Variants in KCNB2 observed in about 807,000 individuals in gnomAD.
KCNB2 encodes the protein delayed rectifier potassium channel protein.
KCNB2 carries 15 observed loss-of-function variants against 61.5 expected under a neutral mutation model. The observed-to-expected ratio is 0.24, with a 90% CI of 0.16 to 0.38. KCNB2 has a LOEUF of 0.38. Among genes scored for constraint, KCNB2 ranks in the 10% least tolerant of loss-of-function variants. The pLI is 1.00. For synonymous variants in KCNB2, 457 were observed against 446.0 expected (o/e 1.02, Z -0.31); for missense variants, 828 against 1,125.2 (o/e 0.74, Z 3.78).
At chr8:72,703,015 A>G (rs1288309268) in intron 2 of KCNB2, among the ~76,000 whole-genome samples, 4 of 152,218 alleles carry the variant, frequency 2.6e-5, no homozygotes, top group Admixed American at 1.3e-4. Flanking sequence ...GCCCATTTCT[A>G]TTAAGAAAGC....
At chr8:72,677,525 A>T (rs752971923) in intron 2 of KCNB2, among the ~76,000 whole-genome samples, 1 of 151,962 alleles carries the variant, frequency 6.6e-6, no homozygotes. Flanking sequence ...CCTTCTCTCT[A>T]CTTTCTTTCC....
At chr8:72,601,441 AG>A (rs1366133293) in intron 2 of KCNB2, among the ~76,000 whole-genome samples, 2 of 152,208 alleles carry the variant, frequency 1.3e-5, no homozygotes, top group African/African-American at 4.8e-5. Context: ...AGTTTAGAAA[AG>A]GAGGCAAAAT....
intron 2 of KCNB2, among the ~76,000 whole-genome samples, chr8:72,597,604 A>T (rs1197254427): frequency 6.6e-6 from 1 of 152,206 alleles, no homozygotes; most frequent in Non-Finnish European, 1.5e-5. Flanking sequence ...TTGAAAGTTA[A>T]ACTTAGCAGA....
chr8:72,549,171 G>A (rs1806306559), intron 1 of KCNB2, among the ~76,000 whole-genome samples: 1 of 152,134 alleles, frequency 6.6e-6, no homozygotes, highest in Admixed American at 6.5e-5. Context: ...AGTTAGCACA[G>A]TTGTGCCAGG....
At chr8:72,751,432 T>C (rs1031214533) in intron 2 of KCNB2, 1 of 152,178 alleles carries the variant, frequency 6.6e-6, no homozygotes. Context: ...CTAAAAGTGA[T>C]AGAGCTGAAA....
intron 2 of KCNB2, among the ~76,000 whole-genome samples, chr8:72,741,789 A>G (rs1807964831): frequency 6.6e-6 from 1 of 152,210 alleles, no homozygotes. Flanking sequence ...CCACAATGCC[A>G]TACCACCTTA....
At chr8:72,631,611 G>C (rs755926261) in intron 2 of KCNB2, among the ~76,000 whole-genome samples, 3 of 152,172 alleles carry the variant, frequency 2.0e-5, no homozygotes, top group Non-Finnish European at 4.4e-5. Context: ...AGGTACAGGG[G>C]TTTAAGACTT....
chr8:72,541,593 A>C (rs1356499712), intron 1 of KCNB2, among the ~76,000 whole-genome samples: 1 of 152,144 alleles, frequency 6.6e-6, no homozygotes, highest in Non-Finnish European at 1.5e-5. Context: ...CTTCTCACTC[A>C]CCAAAGGATG....
chr8:72,916,564 G>C (rs1044664814), intron 2 of KCNB2, among the ~76,000 whole-genome samples: 1 of 152,178 alleles, frequency 6.6e-6, no homozygotes, highest in African/African-American at 2.4e-5. Context: ...ACTGTCTGTG[G>C]ACAGCTTAAG....
chr8:72,588,482 G>A (rs759669407), intron 2 of KCNB2, among the ~76,000 whole-genome samples: 3 of 151,854 alleles, frequency 2.0e-5, no homozygotes, highest in East Asian at 1.9e-4. Flanking sequence ...CAGGTGATCC[G>A]CCCACCTCGG....
intron 2 of KCNB2, among the ~76,000 whole-genome samples, chr8:72,720,950 C>A (rs1343571284): frequency 6.6e-6 from 1 of 152,148 alleles, no homozygotes; most frequent in African/African-American, 2.4e-5. Flanking sequence ...TAAGTCTTCA[C>A]ATTTTGTTTT....
intron 2 of KCNB2, among the ~76,000 whole-genome samples, chr8:72,776,673 C>G (rs555048463): frequency 2.6e-5 from 4 of 152,288 alleles, no homozygotes; most frequent in Admixed American, 1.3e-4. Flanking sequence ...GCAGATGAAT[C>G]TTTAACATGG....
chr8:72,722,645 T>C (rs1343060833), intron 2 of KCNB2, among the ~76,000 whole-genome samples: 1 of 152,228 alleles, frequency 6.6e-6, no homozygotes, highest in Non-Finnish European at 1.5e-5. Context: ...CCTGGGACAG[T>C]AAATGCTGAT....
At chr8:72,884,865 C>T (rs1805775474) in intron 2 of KCNB2, among the ~76,000 whole-genome samples, 1 of 152,130 alleles carries the variant, frequency 6.6e-6, no homozygotes, top group Admixed American at 6.6e-5. Context: ...TTCAAAGTAT[C>T]TTAGCTCTTT....
intron 2 of KCNB2, among the ~76,000 whole-genome samples, chr8:72,707,012 C>T (rs73309816): frequency 0.028 from 4,289 of 152,250 alleles, 82 homozygotes; most frequent in South Asian, 0.075. Flanking sequence ...TTGTACTCCA[C>T]TCTGCATATT....
chr8:72,882,905 G>A (rs1003970790), intron 2 of KCNB2, among the ~76,000 whole-genome samples: 1 of 152,156 alleles, frequency 6.6e-6, no homozygotes, highest in Non-Finnish European at 1.5e-5. Flanking sequence ...AAAATCTGAT[G>A]ACACAGCCTC....
At chr8:72,572,701 C>G (rs1272109455) in intron 2 of KCNB2, among the ~76,000 whole-genome samples, 10 of 152,150 alleles carry the variant, frequency 6.6e-5, no homozygotes, top group Admixed American at 6.6e-4. Context: ...AAGATTTCAA[C>G]ACTTTTTTTC....
intron 2 of KCNB2, among the ~76,000 whole-genome samples, chr8:72,927,129 T>C (rs10111797): frequency 0.48 from 72,854 of 151,994 alleles, 18,118 homozygotes; most frequent in East Asian, 0.89. Flanking sequence ...TGGAGTGATG[T>C]GGTTGTTCTG....
chr8:72,649,104 C>T (rs1806175860), intron 2 of KCNB2, among the ~76,000 whole-genome samples: 1 of 152,018 alleles, frequency 6.6e-6, no homozygotes, highest in Non-Finnish European at 1.5e-5. Flanking sequence ...TTCATTATAT[C>T]TAATAGCTTA....
Sources: gnomAD v4.1 joint callset for allele counts (sites outside exome capture counted in the v4.1 genomes callset) on GRCh38, gnomAD v4.1.1 for gene constraint, MANE v1.5 for transcripts, NCBI Gene and HGNC (gene_info 2026-07-23, HGNC 2026-07-21) for gene names.